The following IGF1R variants were observed in gnomAD, a reference collection of about 807,000 sequenced individuals.
IGF1R encodes the protein insulin like growth factor 1 receptor.
Under a neutral mutation model 144.6 loss-of-function variants are expected in IGF1R, and 44 were observed. The ratio of observed to expected loss-of-function variants is 0.30; its 90% CI spans 0.24 to 0.39. IGF1R has a LOEUF of 0.39. IGF1R is among the 10% of genes least tolerant of loss of function. The probability of loss-of-function intolerance (pLI) is 1.00; values close to 1 mark genes in which losing one functional copy is unlikely to be tolerated. For synonymous variants in IGF1R, 795 were observed against 722.8 expected (o/e 1.10, Z -1.60); for missense variants, 1,355 against 1,833.7 (o/e 0.74, Z 4.77).
At chr15:98,675,600 T>C (rs2141204582) in intron 1 of IGF1R, among the ~76,000 whole-genome samples, 1 of 152,334 alleles carries the variant, frequency 6.6e-6, no homozygotes, top group Non-Finnish European at 1.5e-5. Flanking sequence ...CATTATGATC[T>C]TCCCTTGCCT....
chr15:98,677,113 T>C (rs1038931663), intron 1 of IGF1R, among the ~76,000 whole-genome samples: 1 of 152,076 alleles, frequency 6.6e-6, no homozygotes, highest in African/African-American at 2.4e-5. Context: ...TTTTTTCTTT[T>C]TCTTTTAGGG....
intron 2 of IGF1R, among the ~76,000 whole-genome samples, chr15:98,799,121 T>G (rs1390074308): frequency 1.3e-5 from 2 of 152,138 alleles, no homozygotes; most frequent in African/African-American, 4.8e-5. Context: ...TGAAGGGCGA[T>G]GTTTAAGAGT....
rs1008775491 is a variant in IGF1R, at chr15:98,755,067, G to GAT, written c.640+46968_640+46969dup. On this transcript the variant is annotated intron_variant, in intron 2 of 20. Transcript: ENST00000650285. ...AAAGTGATGCTAGTGTAAAATAAAA[G>GAT]ATATATATAGAAAATTGTGTGTCCT... Among the ~76,000 whole-genome samples, 146 of 152,258 alleles carry GAT rather than the reference G, an allele frequency of 9.6e-4. 1 individual carries two copies. Among genetic ancestry groups the GAT allele is most frequent in the South Asian group, 2.1e-4 (1 of 4,816 alleles).
At chr15:98,893,668 A>G (rs972106894) in intron 3 of IGF1R, 3 of 152,188 alleles carry the variant, frequency 2.0e-5, no homozygotes, top group Non-Finnish European at 4.4e-5. Context: ...TCTTAATGAC[A>G]TTTGGAGGCC....
intron 3 of IGF1R, among the ~76,000 whole-genome samples, chr15:98,895,740 A>G (rs901405136): frequency 6.6e-6 from 1 of 152,252 alleles, no homozygotes; most frequent in Admixed American, 6.5e-5. Context: ...AGGGACATTA[A>G]TAAAAAGAGC....
chr15:98,658,309 A>AG (rs1177005450), intron 1 of IGF1R, among the ~76,000 whole-genome samples: 1 of 152,212 alleles, frequency 6.6e-6, no homozygotes, highest in East Asian at 1.9e-4. Context: ...GAACACAGGA[A>AG]GGTCACCATA....
At chr15:98,751,449 A>G (rs2055009110) in intron 2 of IGF1R, among the ~76,000 whole-genome samples, 1 of 152,104 alleles carries the variant, frequency 6.6e-6, no homozygotes, top group Non-Finnish European at 1.5e-5. Flanking sequence ...GCTTCAAGCG[A>G]TCCTCTCCCC....
chr15:98,910,532 G>C (rs1385715518), intron 6 of IGF1R, among the ~76,000 whole-genome samples: 1 of 152,218 alleles, frequency 6.6e-6, no homozygotes, highest in Admixed American at 6.5e-5. Context: ...AGGGCGAAAG[G>C]ACAATTCGTC....
intron 2 of IGF1R, among the ~76,000 whole-genome samples, chr15:98,709,459 CT>C: frequency 6.6e-6 from 1 of 152,356 alleles, no homozygotes; most frequent in African/African-American, 2.4e-5. Flanking sequence ...AGTCAGGCCA[CT>C]TTAAGGTTGG....
At chr15:98,885,634 G>C (rs1202065190) in intron 2 of IGF1R, among the ~76,000 whole-genome samples, 2 of 152,204 alleles carry the variant, frequency 1.3e-5, no homozygotes, top group Non-Finnish European at 2.9e-5. Flanking sequence ...CCCAGAAACA[G>C]CTGAGATGGC....
intron 20 of IGF1R, among the ~76,000 whole-genome samples, chr15:98,949,266 A>T (rs1487352393): frequency 6.6e-6 from 1 of 152,118 alleles, no homozygotes; most frequent in African/African-American, 2.4e-5. Context: ...CCATCTAAGT[A>T]ACATGCTCTC....
intron 8 of IGF1R, among the ~76,000 whole-genome samples, chr15:98,915,341 T>A (rs1376511235): frequency 6.6e-6 from 1 of 152,228 alleles, no homozygotes; most frequent in Non-Finnish European, 1.5e-5. Context: ...TCTAAACTGC[T>A]TTTCAGAGTC....
At chr15:98,825,337 T>C (rs2056873754) in intron 2 of IGF1R, among the ~76,000 whole-genome samples, 1 of 152,134 alleles carries the variant, frequency 6.6e-6, no homozygotes, top group East Asian at 1.9e-4. Flanking sequence ...TATAAAATGG[T>C]GTGATATTTG....
rs550269388 is a variant in IGF1R at position 98,938,187 on chromosome 15, A to G, written c.3298-1014A>G. ...CACTTTCTGTGCGTGGCCCCAGGTCATCTTCTCGTCAGTGAAACCACTGTG... is the reference window on the plus strand; with the variant it reads ...CACTTTCTGTGCGTGGCCCCAGGTCGTCTTCTCGTCAGTGAAACCACTGTG... On this transcript the variant is annotated intron_variant, in intron 17 of 20. Transcript: ENST00000650285. Among the ~76,000 whole-genome samples the G allele has an allele frequency of 5.3e-5, 8 of 152,348 alleles. No homozygotes were observed. In the East Asian group the frequency reaches 5.8e-4, roughly 11 times the overall value.
At chr15:98,946,843 A>C (rs1001739165) in intron 19 of IGF1R, among the ~76,000 whole-genome samples, 15 of 152,358 alleles carry the variant, frequency 9.8e-5, no homozygotes, top group African/African-American at 3.6e-4. Flanking sequence ...GTGGGGCAAG[A>C]GGAGAAGTGG....
chr15:98,808,534 G>A (rs766799753), intron 2 of IGF1R, among the ~76,000 whole-genome samples: 4 of 152,182 alleles, frequency 2.6e-5, no homozygotes, highest in African/African-American at 7.2e-5. Flanking sequence ...TACATTCATT[G>A]AGAACACACT....
chr15:98,722,352 G>C (rs2141282533), intron 2 of IGF1R, among the ~76,000 whole-genome samples: 1 of 152,252 alleles, frequency 6.6e-6, no homozygotes, highest in East Asian at 1.9e-4. Flanking sequence ...TTGAAATCGA[G>C]GCCTTTCATG....
Position 98,964,426 on chromosome 15 carries a change from T to G in IGF1R, c.*6984T>G. ...TTTACATAATGGAAAAAAGAAACTGTCTATTTTGAATGGCTGAAGCTAAGG... is the reference window on the plus strand; with the variant it reads ...TTTACATAATGGAAAAAAGAAACTGGCTATTTTGAATGGCTGAAGCTAAGG... On this transcript the variant is annotated 3_prime_UTR_variant, in exon 21 of 21. Coordinates refer to ENST00000650285, the MANE Select transcript of IGF1R (RefSeq NM_000875.5). 4.4e-6 allele frequency: 1 copy of G among 228,742 alleles called. No individual in the cohort carries two copies. The highest frequency in any genetic ancestry group is 6.4e-5 in the East Asian group (1 of 15,688). 14.2% of individuals were successfully genotyped at this position (228,742 alleles called of 1,614,324 possible).
In IGF1R at chr15:98,910,952, C is replaced by T. The variant is rs763093895; in HGVS notation, c.1463-363C>T. Reference sequence around the variant, plus strand: ...AGTTTCAGGGCAGCCTAAAGGCTCACCTTCACCCTACCAGGCCCCCTTTCA... The same window carrying T: ...AGTTTCAGGGCAGCCTAAAGGCTCATCTTCACCCTACCAGGCCCCCTTTCA... On this transcript the variant is annotated intron_variant, in intron 6 of 20. Transcript: ENST00000650285. 3.9e-5 allele frequency among the ~76,000 whole-genome samples: 6 copies of T among 152,360 alleles called. 1 individual carries two copies. In the South Asian group the frequency reaches 1.0e-3, roughly 26 times the overall value.
Sources: allele counts gnomAD v4.1 joint callset (sites outside exome capture counted in the v4.1 genomes callset), GRCh38; gene constraint gnomAD v4.1.1; transcripts MANE v1.5; gene names NCBI Gene and HGNC (gene_info 2026-07-23, HGNC 2026-07-21).